The following FOCAD variants were observed in gnomAD, a reference collection of about 807,000 sequenced individuals.
FOCAD encodes focadhesin.
A neutral mutation model predicts 225.6 loss-of-function variants in FOCAD; 198 were observed. The observed-to-expected ratio is 0.88, with a 90% CI of 0.78 to 0.99. The LOEUF (loss-of-function observed/expected upper bound fraction) is 0.99. Ranked by LOEUF, FOCAD falls within the 50% of genes least tolerant of loss-of-function variation. The pLI is 0.00. For synonymous variants in FOCAD, 897 were observed against 755.0 expected (o/e 1.19, Z -3.08); for missense variants, 2,713 against 2,123.6 (o/e 1.28, Z -5.46).
chr9:20,665,695 C>T (rs540718366), intron 2 of FOCAD, among the ~76,000 whole-genome samples: 8 of 152,168 alleles, frequency 5.3e-5, no homozygotes, highest in South Asian at 2.1e-4. Flanking sequence ...GTTTGCTTTT[C>T]CCGGGTTTTA....
chr9:20,921,339 G>A (rs1031830300), intron 24 of FOCAD, among the ~76,000 whole-genome samples: 2 of 152,154 alleles, frequency 1.3e-5, no homozygotes, highest in African/African-American at 2.4e-5. Flanking sequence ...TAAAACGTCG[G>A]TGGTGTTGCC....
rs77318474 is a variant in FOCAD at position 20,746,231 on chromosome 9, G to A, written c.392+5891G>A. Reference sequence around the variant, plus strand: ...TTTTCTCCTATTGTCTGTTTTGAAGGAAGACATGGAGCCAGCTGCATGAAG... The same window carrying A: ...TTTTCTCCTATTGTCTGTTTTGAAGAAAGACATGGAGCCAGCTGCATGAAG... On this transcript the variant is annotated intron_variant, in intron 5 of 43. Transcript: ENST00000338382. Among the ~76,000 whole-genome samples, 1,137 of 152,262 alleles carry A rather than the reference G, an allele frequency of 7.5e-3. 9 individuals are homozygous for A. The highest frequency in any genetic ancestry group is 0.017 in the Middle Eastern group (5 of 294).
intron 21 of FOCAD, among the ~76,000 whole-genome samples, chr9:20,888,024 T>G (rs1831253847): frequency 1.3e-5 from 2 of 152,014 alleles, no homozygotes; most frequent in Admixed American, 1.3e-4. Flanking sequence ...CTTCTGCCCA[T>G]TTTTAGAATT....
intron 21 of FOCAD, among the ~76,000 whole-genome samples, chr9:20,898,802 A>G (rs1450246355): frequency 6.6e-6 from 1 of 151,976 alleles, no homozygotes; most frequent in Non-Finnish European, 1.5e-5. Flanking sequence ...ATAACCAGAC[A>G]TAACATACTA....
chr9:20,866,071 G>A, intron 17 of FOCAD, 95 bp downstream of exon 17: 1 of 1,056,750 alleles, frequency 9.5e-7, no homozygotes, highest in Non-Finnish European at 1.4e-6. Flanking sequence ...AAGTACAACT[G>A]CCTTGAAATA....
intron 5 of FOCAD, among the ~76,000 whole-genome samples, chr9:20,753,166 A>G (rs1828724557): frequency 6.6e-6 from 1 of 152,028 alleles, no homozygotes; most frequent in African/African-American, 2.4e-5. Flanking sequence ...CCTCCTGCCT[A>G]ATTGCCCTGG....
chr9:20,770,014 A>C lies in FOCAD; in HGVS notation c.700-18A>C. ...GTTTGTGTATTTTTTAATATCATATAATGACTTTTTTAAACAGGTAAAAGA... is the reference window on the plus strand; with the variant it reads ...GTTTGTGTATTTTTTAATATCATATCATGACTTTTTTAAACAGGTAAAAGA... On this transcript the variant is annotated intron_variant, in intron 7 of 43. Coordinates refer to ENST00000338382, the MANE Select transcript of FOCAD (RefSeq NM_001375567.1). The C allele has an allele frequency of 2.5e-6, 4 of 1,600,644 alleles. No individual in the cohort carries two copies. Among genetic ancestry groups the C allele is most frequent in the South Asian group, 2.2e-5 (2 of 90,414 alleles).
chr9:20,679,830 G>T (rs192754880), upstream of FOCAD, among the ~76,000 whole-genome samples: 72 of 152,308 alleles, frequency 4.7e-4, no homozygotes, highest in African/African-American at 1.7e-3. Context: ...TCCTTCAAGT[G>T]AAATTTGCGT....
chr9:20,896,238 T>A (rs566418560), intron 21 of FOCAD, among the ~76,000 whole-genome samples: 1 of 152,088 alleles, frequency 6.6e-6, no homozygotes, highest in South Asian at 2.1e-4. Context: ...AATTCTTTTT[T>A]ACATTGTTAG....
chr9:20,793,360 C>T (rs998268660), intron 11 of FOCAD, among the ~76,000 whole-genome samples: 1 of 152,182 alleles, frequency 6.6e-6, no homozygotes, highest in Non-Finnish European at 1.5e-5. Flanking sequence ...AAGCTTTCAG[C>T]TGGCATTTGA....
Position 20,881,951 on chromosome 9 carries a change from G to C in FOCAD, c.2398G>C (p.Gly800Arg), listed in dbSNP as rs776882150. 1.2e-6 allele frequency: 2 copies of C among 1,613,924 alleles called. No individual in the cohort carries two copies. Among genetic ancestry groups the C allele is most frequent in the South Asian group, 2.2e-5 (2 of 91,068 alleles). ...TGGGATATATCACTCTGCATTAAAA[G>C]GAGGTGCCCGCTCAGACCAAGGAAA... ...PRGIYHSALK[G>R]GARSDQGKTV... The change falls in exon 20 of 44, where the codon GGA (glycine) becomes CGA (arginine). Residue 800 changes from glycine to arginine, a missense_variant. Coordinates refer to ENST00000338382, the MANE Select transcript of FOCAD (RefSeq NM_001375567.1).
intron 5 of FOCAD, among the ~76,000 whole-genome samples, chr9:20,755,509 A>G (rs1418072632): frequency 2.0e-5 from 3 of 152,208 alleles, no homozygotes; most frequent in African/African-American, 7.2e-5. Context: ...AGTATTTTAA[A>G]AAGGAGATAG....
intron 22 of FOCAD, among the ~76,000 whole-genome samples, chr9:20,912,230 A>G (rs887682922): frequency 5.9e-5 from 9 of 152,124 alleles, no homozygotes; most frequent in African/African-American, 2.2e-4. Flanking sequence ...AGGGGGAAGC[A>G]TCTGATTAAA....
chr9:20,801,294 A>T lies in FOCAD; in HGVS notation c.1455+11686A>T, dbSNP rs17759342. On this transcript the variant is annotated intron_variant, in intron 11 of 43. Transcript: ENST00000338382. ...TTTATAATGATTAAGTCAAATTTACAAGCAATGCCGTTGAAATTAGGAATG... is the reference window on the plus strand; with the variant it reads ...TTTATAATGATTAAGTCAAATTTACTAGCAATGCCGTTGAAATTAGGAATG... Among the ~76,000 whole-genome samples the T allele has an allele frequency of 3.1e-3, 476 of 152,290 alleles. 16 individuals are homozygous for T. In the East Asian group the frequency reaches 0.043, roughly 14 times the overall value.
intron 21 of FOCAD, 140 bp downstream of exon 21, chr9:20,885,370 A>G (rs1587504140): frequency 1.4e-6 from 1 of 721,156 alleles, no homozygotes; most frequent in East Asian, 3.6e-5. Flanking sequence ...TAGTTGACCC[A>G]ACTGAATACT....
At position 20,966,677 on chromosome 9, in the gene FOCAD, C is replaced by T. The variant is rs566667575; in HGVS notation, c.4133-9743C>T. Among the ~76,000 whole-genome samples the T allele has an allele frequency of 5.3e-5, 8 of 151,716 alleles. No homozygotes were observed. The East Asian group carries it at 5.8e-4, about 11-fold the overall frequency. ...ATATTTAAGCTGTTAACCCATTTTG[C>T]GTTAATTTTTGTATTTAGTGTTAGG... On this transcript the variant is annotated intron_variant, in intron 35 of 43. Coordinates refer to ENST00000338382, the MANE Select transcript of FOCAD (RefSeq NM_001375567.1).
chr9:20,966,542 T>G (rs972165800), intron 35 of FOCAD, among the ~76,000 whole-genome samples: 2 of 152,262 alleles, frequency 1.3e-5, no homozygotes, highest in South Asian at 2.1e-4. Flanking sequence ...TTATCTGCTT[T>G]TCTTTTGTTG....
Position 20,914,489 on chromosome 9 carries a change from A to G in FOCAD, c.2807+1535A>G, listed in dbSNP as rs564668108. ...CATTACCATTTTCTGTACGGTGTTC[A>G]GGGTCTCTTTAATAATATGACATTT... On this transcript the variant is annotated intron_variant, in intron 23 of 43. Coordinates refer to ENST00000338382, the MANE Select transcript of FOCAD (RefSeq NM_001375567.1). Among the ~76,000 whole-genome samples the G allele has an allele frequency of 5.3e-5, 8 of 152,312 alleles. No individual in the cohort carries two copies. The East Asian group carries it at 1.5e-3, about 29-fold the overall frequency.
chr9:20,847,243 G>A (rs1277480216), intron 15 of FOCAD, among the ~76,000 whole-genome samples: 1 of 151,804 alleles, frequency 6.6e-6, no homozygotes, highest in Non-Finnish European at 1.5e-5. Context: ...CTCTTTACCC[G>A]AGCCCTACAC....
Sources: gnomAD v4.1 joint callset for allele counts (sites outside exome capture counted in the v4.1 genomes callset) on GRCh38, gnomAD v4.1.1 for gene constraint, MANE v1.5 for transcripts, NCBI Gene and HGNC (gene_info 2026-07-23, HGNC 2026-07-21) for gene names.